Variants in MYH10 observed in about 807,000 individuals in gnomAD.
The protein encoded by MYH10 is myosin heavy chain 10, also known as myosin-10.
In MYH10, 55 loss-of-function variants were observed where a neutral mutation model predicts 257.8. The observed-to-expected ratio is 0.21, with a 90% confidence interval of 0.17 to 0.27. MYH10 has a LOEUF of 0.27. Ranked by LOEUF, MYH10 falls within the 10% of genes least tolerant of loss-of-function variation. The probability of loss-of-function intolerance (pLI) is 1.00; values close to 1 mark genes in which losing one functional copy is unlikely to be tolerated. For synonymous variants in MYH10, 854 were observed against 921.7 expected (o/e 0.93, Z 1.33); for missense variants, 1,631 against 2,500.6 (o/e 0.65, Z 7.42).
chr17:8,508,758 T>C, intron 25 of MYH10, 81 bp from the exon 26 acceptor site: 1 of 1,551,430 alleles, frequency 6.4e-7, no homozygotes, highest in East Asian at 2.3e-5. Context: ...AAGGTCAACT[T>C]TGACTCGAGA....
At chr17:8,559,923 T>A (rs2082928826) in intron 7 of MYH10, among the ~76,000 whole-genome samples, 1 of 152,202 alleles carries the variant, frequency 6.6e-6, no homozygotes, top group Non-Finnish European at 1.5e-5. Flanking sequence ...CAAAAGGCAA[T>A]GTTATTACCA....
Position 8,480,186 on chromosome 17 carries a change from A to T in MYH10, c.5521T>A (p.Ser1841Thr). Residue 1841 changes from serine to threonine, a missense_variant, in exon 40 of 43, where the codon TCT (serine) becomes ACT (threonine). This residue lies in a region of MYH10 where 343 missense variants were observed against 389.5 expected (regional missense o/e 0.88). Transcript: ENST00000360416. ...GCTGAGATGGTGGCCTTGAACTTAG[A>T]CTTGACAGCACCCTCGAGTTCCTGC... Reference protein sequence around the residue: ...KLQELEGAVKSKFKATISALE... With the variant: ...KLQELEGAVKTKFKATISALE... 6.2e-7 allele frequency: 1 copy of T among 1,614,004 alleles called. No homozygotes were observed. The highest frequency in any genetic ancestry group is 8.5e-7 in the Non-Finnish European group (1 of 1,179,998).
intron 34 of MYH10, among the ~76,000 whole-genome samples, chr17:8,491,487 G>A (rs1379083978): frequency 6.6e-6 from 1 of 152,198 alleles, no homozygotes; most frequent in Non-Finnish European, 1.5e-5. Flanking sequence ...GACTTATGAT[G>A]TGGCCAGATG....
At chr17:8,484,429 C>T (rs1914411405) in intron 36 of MYH10, among the ~76,000 whole-genome samples, 163 bp from the exon 37 acceptor site, 1 of 152,164 alleles carries the variant, frequency 6.6e-6, no homozygotes, top group South Asian at 2.1e-4. Context: ...TGCCTGGCCC[C>T]ATTCTTAGCT....
chr17:8,518,370 G>A (rs1408993292), intron 21 of MYH10, among the ~76,000 whole-genome samples: 1 of 152,122 alleles, frequency 6.6e-6, no homozygotes, highest in African/African-American at 2.4e-5. Flanking sequence ...CTGAGCTCAA[G>A]TGATCTGCCC....
intron 36 of MYH10, among the ~76,000 whole-genome samples, chr17:8,486,664 G>A (rs1914859659): frequency 6.7e-6 from 1 of 150,340 alleles, no homozygotes; most frequent in South Asian, 2.1e-4. Flanking sequence ...CTGCCTACAT[G>A]TCTGTATGTG....
chr17:8,551,105 C>G (rs2082628070), intron 9 of MYH10, among the ~76,000 whole-genome samples: 1 of 150,120 alleles, frequency 6.7e-6, no homozygotes, highest in Non-Finnish European at 1.5e-5. Context: ...CTGCCAAGTC[C>G]CCCTCTGTGA....
chr17:8,573,707 A>T (rs2083418023), intron 6 of MYH10: 1 of 444,448 alleles, frequency 2.2e-6, no homozygotes, highest in Non-Finnish European at 3.0e-6. Context: ...TAAGACCTTT[A>T]ATTTTGTTAT....
chr17:8,513,251 T>C (rs2081357806), intron 23 of MYH10, among the ~76,000 whole-genome samples: 1 of 152,116 alleles, frequency 6.6e-6, no homozygotes, highest in Non-Finnish European at 1.5e-5. Flanking sequence ...GGGAACCTCA[T>C]CGAAAACAGG....
intron 30 of MYH10, among the ~76,000 whole-genome samples, chr17:8,498,614 G>A (rs1450421325): frequency 1.3e-5 from 2 of 152,192 alleles, no homozygotes; most frequent in Middle Eastern, 3.4e-3. Context: ...TTGGGAGGCT[G>A]AGGGGGGCGG....
intron 41 of MYH10, among the ~76,000 whole-genome samples, chr17:8,478,097 G>A (rs1912997375): frequency 6.6e-6 from 1 of 152,168 alleles, no homozygotes; most frequent in Admixed American, 6.5e-5. Context: ...ACATTCTAGT[G>A]GAGGAAGCAG....
chr17:8,559,517 A>G lies in MYH10; in HGVS notation c.757-5499T>C, dbSNP rs2082917173. Among the ~76,000 whole-genome samples, 2 of 152,158 alleles carry G rather than the reference A, an allele frequency of 1.3e-5. 1 individual carries two copies. Among genetic ancestry groups the G allele is most frequent in the South Asian group, 4.1e-4 (2 of 4,834 alleles). On this transcript the variant is annotated intron_variant, in intron 7 of 42. Coordinates refer to ENST00000360416, the MANE Select transcript of MYH10 (RefSeq NM_001256012.3). ...ATTCTTTTTTTTAGCATAGTTGAGA[A>G]TAAATGAGTTAATAATGAATCAATT...
chr17:8,495,705 G>A (rs1358691509), intron 30 of MYH10, among the ~76,000 whole-genome samples: 1 of 151,694 alleles, frequency 6.6e-6, no homozygotes, highest in East Asian at 1.9e-4. Flanking sequence ...TATAAAAGGG[G>A]TACAAGAAAG....
At chr17:8,621,523 C>T (rs1471440097) in intron 2 of MYH10, among the ~76,000 whole-genome samples, 3 of 152,122 alleles carry the variant, frequency 2.0e-5, no homozygotes, top group African/African-American at 7.2e-5. Flanking sequence ...AAATTGCGGT[C>T]ACCCTACACG....
intron 36 of MYH10, among the ~76,000 whole-genome samples, chr17:8,486,246 A>T (rs1976348): frequency 0.98 from 148,559 of 152,260 alleles, 72,594 homozygotes; most frequent in East Asian, 1. Flanking sequence ...TGCCCCAAAT[A>T]TGATAGTGGT....
chr17:8,618,682 C>G (rs1393138065), intron 2 of MYH10, among the ~76,000 whole-genome samples: 1 of 152,186 alleles, frequency 6.6e-6, no homozygotes, highest in Non-Finnish European at 1.5e-5. Flanking sequence ...TTTCATAACA[C>G]CATACACACA....
At chr17:8,575,834 C>T (rs919818893) in intron 6 of MYH10, among the ~76,000 whole-genome samples, 3 of 152,168 alleles carry the variant, frequency 2.0e-5, no homozygotes, top group African/African-American at 7.2e-5. Context: ...CCTCCTTCTC[C>T]TCCCAGGTAG....
intron 1 of MYH10, among the ~76,000 whole-genome samples, chr17:8,625,385 T>C (rs1725962323): frequency 6.6e-6 from 1 of 152,256 alleles, no homozygotes; most frequent in African/African-American, 2.4e-5. Context: ...AATTCAGGCA[T>C]GCATTTGCAG....
chr17:8,482,905 A>G (rs2151784542), intron 37 of MYH10, among the ~76,000 whole-genome samples: 1 of 152,372 alleles, frequency 6.6e-6, no homozygotes, highest in East Asian at 1.9e-4. Flanking sequence ...AATCAACTCC[A>G]TGATGGATAC....
Sources: gnomAD v4.1 joint callset for allele counts (sites outside exome capture counted in the v4.1 genomes callset) on GRCh38, gnomAD v4.1.1 for gene constraint, gnomAD v4.1.1 regional missense constraint, MANE v1.5 for transcripts, NCBI Gene and HGNC (gene_info 2026-07-23, HGNC 2026-07-21) for gene names.